Variants in VAV3 observed in about 807,000 individuals in gnomAD.
VAV3 encodes vav guanine nucleotide exchange factor 3, also known as guanine nucleotide exchange factor VAV3.
A neutral mutation model predicts 131.2 loss-of-function variants in VAV3; 94 were observed. The observed-to-expected ratio is 0.72, with a 90% CI of 0.61 to 0.85. The LOEUF (loss-of-function observed/expected upper bound fraction) is 0.85. Among genes scored for constraint, VAV3 ranks in the 40% least tolerant of loss-of-function variants. The pLI is 0.00. For synonymous variants in VAV3, 349 were observed against 342.0 expected (o/e 1.02, Z -0.22); for missense variants, 939 against 1,002.7 (o/e 0.94, Z 0.86).
At chr1:107,593,965 A>G (rs1035636221) in intron 25 of VAV3, among the ~76,000 whole-genome samples, 2 of 152,112 alleles carry the variant, frequency 1.3e-5, no homozygotes, top group African/African-American at 4.8e-5. Flanking sequence ...AGTGCTTTAT[A>G]TAGAACACCT....
chr1:107,827,544 T>G (rs1393569981), intron 2 of VAV3, among the ~76,000 whole-genome samples: 3 of 152,160 alleles, frequency 2.0e-5, no homozygotes, highest in Admixed American at 6.6e-5. Flanking sequence ...GGAAGTAGAT[T>G]AGCATTGCCC....
rs12403266 is a variant in VAV3, at chr1:107,642,679, C to G, written c.1854G>C (p.Gln618His). The G allele has an allele frequency of 0.15, 244,332 of 1,612,892 alleles. 19,639 individuals carry two copies. Among genetic ancestry groups the G allele is most frequent in the East Asian group, 0.25 (11,387 of 44,792 alleles). ...GTTCAACGGTATCCCCGGCCTGGAGCTGTAAAGGGGGTCCTTCATGCAGAG... is the reference window on the plus strand; with the variant it reads ...GTTCAACGGTATCCCCGGCCTGGAGGTGTAAAGGGGGTCCTTCATGCAGAG... ...PPALHEGPPL[Q>H]LQAGDTVELL... Residue 618 changes from glutamine to histidine, a missense_variant, in exon 20 of 27, where the codon CAG becomes CAC. Transcript: ENST00000370056.
chr1:107,806,009 C>T (rs1158127254), intron 2 of VAV3, among the ~76,000 whole-genome samples: 3 of 152,050 alleles, frequency 2.0e-5, no homozygotes, highest in African/African-American at 7.2e-5. Context: ...TGGAATGTAC[C>T]ACCTATAGCA....
chr1:107,956,685 C>CT (rs1258527112), intron 1 of VAV3, among the ~76,000 whole-genome samples: 4 of 152,120 alleles, frequency 2.6e-5, no homozygotes, highest in Non-Finnish European at 5.9e-5. Context: ...CCAGACCATA[C>CT]TTTGAGAACA....
intron 2 of VAV3, among the ~76,000 whole-genome samples, chr1:107,858,399 T>C (rs1669575145): frequency 6.6e-6 from 1 of 152,096 alleles, no homozygotes; most frequent in Non-Finnish European, 1.5e-5. Context: ...CTAAGAAAAA[T>C]TTAAGTCAGA....
chr1:107,594,428 C>T (rs941945559), intron 25 of VAV3, among the ~76,000 whole-genome samples: 2 of 152,004 alleles, frequency 1.3e-5, no homozygotes, highest in African/African-American at 4.8e-5. Context: ...GAATTGTTTG[C>T]TTTCCCTTCA....
At chr1:107,891,436 C>T (rs1267221402) in intron 1 of VAV3, among the ~76,000 whole-genome samples, 1 of 152,010 alleles carries the variant, frequency 6.6e-6, no homozygotes. Flanking sequence ...CACACACGCA[C>T]GATATACAGG....
chr1:107,960,623 G>A (rs900022436), intron 1 of VAV3, among the ~76,000 whole-genome samples: 22 of 151,520 alleles, frequency 1.5e-4, no homozygotes, highest in Middle Eastern at 3.4e-3. Flanking sequence ...CTGACTTCAC[G>A]TTTCCCACTC....
At chr1:107,764,027 T>C (rs541714735) in intron 9 of VAV3, among the ~76,000 whole-genome samples, 3 of 150,854 alleles carry the variant, frequency 2.0e-5, no homozygotes, top group African/African-American at 7.3e-5. Context: ...ACAACAAACA[T>C]TGTTCAAAAG....
intron 15 of VAV3, 147 bp downstream of exon 15, chr1:107,748,821 T>C (rs1663517675): frequency 3.4e-6 from 2 of 596,640 alleles, no homozygotes; most frequent in Non-Finnish European, 5.5e-6. Flanking sequence ...AGCAGCCTAG[T>C]AGCACTCCTG....
intron 2 of VAV3, among the ~76,000 whole-genome samples, chr1:107,811,670 T>C (rs1379775804): frequency 6.6e-6 from 1 of 152,174 alleles, no homozygotes; most frequent in Non-Finnish European, 1.5e-5. Context: ...AGAACTATTA[T>C]ATAGCACCAT....
chr1:107,933,471 G>A (rs1179092276), intron 1 of VAV3, among the ~76,000 whole-genome samples: 1 of 151,798 alleles, frequency 6.6e-6, no homozygotes, highest in Non-Finnish European at 1.5e-5. Flanking sequence ...CAATTAGAAG[G>A]AGAAAAAAAG....
chr1:107,956,889 C>T (rs111587375), intron 1 of VAV3, among the ~76,000 whole-genome samples: 5 of 151,912 alleles, frequency 3.3e-5, no homozygotes, highest in East Asian at 3.9e-4. Context: ...CAGGACAAAT[C>T]GAGGGACGTC....
intron 15 of VAV3, among the ~76,000 whole-genome samples, chr1:107,732,594 G>A (rs145539109): frequency 2.4e-4 from 37 of 152,326 alleles, no homozygotes; most frequent in African/African-American, 5.0e-4. Context: ...CCATGCCCAC[G>A]GAGCCTCGTT....
chr1:107,815,102 AGATGCTGCAGTATCTGTC>A (rs1667508560), intron 2 of VAV3, among the ~76,000 whole-genome samples: 1 of 152,246 alleles, frequency 6.6e-6, no homozygotes, highest in African/African-American at 2.4e-5. Flanking sequence ...ATCTATACAT[AGATGCTGCAGTATCTGTC>A]GTTCACTTCG....
At chr1:107,951,014 C>G (rs1407312629) in intron 1 of VAV3, among the ~76,000 whole-genome samples, 1 of 152,162 alleles carries the variant, frequency 6.6e-6, no homozygotes, top group African/African-American at 2.4e-5. Flanking sequence ...CATGCTCCAG[C>G]CTATCCACCA....
chr1:107,630,650 T>C (rs981382394), intron 20 of VAV3, among the ~76,000 whole-genome samples: 7 of 152,204 alleles, frequency 4.6e-5, no homozygotes, highest in South Asian at 2.1e-4. Context: ...GCTTAAAAAC[T>C]ATGTTCTCAA....
chr1:107,602,955 T>C (rs1651981307), intron 23 of VAV3, 92 bp downstream of exon 23: 1 of 908,646 alleles, frequency 1.1e-6, no homozygotes, highest in Non-Finnish European at 1.7e-6. Flanking sequence ...ATTAGAACTT[T>C]GGTTTTCACC....
chr1:107,737,509 G>GA (rs1335561620), intron 15 of VAV3, among the ~76,000 whole-genome samples: 18 of 152,164 alleles, frequency 1.2e-4, no homozygotes, highest in East Asian at 7.7e-4. Context: ...AAATTTACAA[G>GA]AAAAAATCAA....
Sources: allele counts gnomAD v4.1 joint callset (sites outside exome capture counted in the v4.1 genomes callset), GRCh38; gene constraint gnomAD v4.1.1; transcripts MANE v1.5; gene names NCBI Gene and HGNC (gene_info 2026-07-23, HGNC 2026-07-21).